Variants in BRIP1 observed in about 807,000 individuals in gnomAD.
BRIP1 encodes the protein BRCA1 interacting DNA helicase 1, also known as Fanconi anemia group J protein.
A neutral mutation model predicts 119.7 loss-of-function variants in BRIP1; 88 were observed. The ratio of observed to expected loss-of-function variants is 0.74; its 90% CI spans 0.62 to 0.88. The LOEUF (loss-of-function observed/expected upper bound fraction) is 0.88, where lower values mean the gene tolerates loss of function less well. Ranked by LOEUF, BRIP1 falls within the 40% of genes least tolerant of loss-of-function variation. The probability of loss-of-function intolerance (pLI) is 0.00; values close to 1 mark genes in which losing one functional copy is unlikely to be tolerated. For missense variants in BRIP1, 1,259 were observed against 1,455.4 expected (o/e 0.87, Z 2.20); for synonymous variants, 443 against 496.5 (o/e 0.89, Z 1.43).
rs1194062701 is a variant in BRIP1, at chr17:61,851,187, C to G, written c.380-1931G>C. On this transcript the variant is annotated intron_variant, in intron 4 of 19. Coordinates refer to ENST00000259008, the MANE Select transcript of BRIP1 (RefSeq NM_032043.3). This position sits in a 1 kb window ranked among gnomAD's most constrained non-coding sequence, Gnocchi z 4.6. ...AGGTTGCAGTGAGCCAAGATCGCAC[C>G]ACTGCACTCCAGCCTAGGTGACAGA... Among the ~76,000 whole-genome samples, 2 of 152,032 alleles carry G rather than the reference C, an allele frequency of 1.3e-5. No homozygotes were observed. The highest frequency in any genetic ancestry group is 6.6e-5 in the Admixed American group (1 of 15,256).
rs2078075771 is a variant in BRIP1, at chr17:61,806,553, T to C, written c.918+1914A>G. ...TGAATTCCTTTTTATTTTTACATGA[T>C]TCAAACTTATGAGTAAAGATCAATA... On this transcript the variant is annotated intron_variant, in intron 7 of 19. Transcript: ENST00000259008. The surrounding 1 kb of genome is among the most constrained non-coding windows in gnomAD (Gnocchi z 4.9). Among the ~76,000 whole-genome samples, 1 of 152,224 alleles carries C rather than the reference T, an allele frequency of 6.6e-6. No homozygotes were observed. The highest frequency in any genetic ancestry group is 1.5e-5 in the Non-Finnish European group (1 of 68,032).
intron 17 of BRIP1, among the ~76,000 whole-genome samples, chr17:61,707,512 C>T (rs1051028821): frequency 6.6e-6 from 1 of 152,042 alleles, no homozygotes; most frequent in African/African-American, 2.4e-5. Context: ...ATGATCTGAG[C>T]CTTCTATGTA....
In BRIP1 at chr17:61,781,009, G is replaced by T. The variant is rs747704211; in HGVS notation, c.1629-4C>A. 5 of 1,613,524 alleles carry T rather than the reference G, an allele frequency of 3.1e-6. No homozygotes were observed. The South Asian group carries it at 4.4e-5, about 14-fold the overall frequency. On this transcript the variant is annotated splice_polypyrimidine_tract_variant and splice_region_variant and intron_variant, in intron 11 of 19. Transcript: ENST00000259008. ...AATTTTATAATCATCTGCAAATCTAGATGCAAAGAAAGTGCTAATTAAGTG... is the reference window on the plus strand; with the variant it reads ...AATTTTATAATCATCTGCAAATCTATATGCAAAGAAAGTGCTAATTAAGTG...
rs2061480836 is a variant in BRIP1 at position 61,693,604 on chromosome 17, AT to A, written c.2493-93del. The A allele has an allele frequency of 9.8e-7, 1 of 1,018,332 alleles. No individual in the cohort carries two copies. Among genetic ancestry groups the A allele is most frequent in the Admixed American group, 1.8e-5 (1 of 54,146 alleles). 63.1% of individuals were successfully genotyped at this position (1,018,332 alleles called of 1,614,324 possible). The stretch of plus-strand genomic sequence containing the variant: ...CAGACAGAAAATTGGAAAAAAATCA[AT>A]TTTATAGATTCCTTTAAACAATTTG... On this transcript the variant is annotated intron_variant, in intron 17 of 19. Coordinates refer to ENST00000259008, the MANE Select transcript of BRIP1 (RefSeq NM_032043.3). The surrounding 1 kb of genome is among the most constrained non-coding windows in gnomAD (Gnocchi z 4.2).
In BRIP1 at chr17:61,682,426, AT is replaced by A; in HGVS notation, c.*869del. On this transcript the variant is annotated 3_prime_UTR_variant, in exon 20 of 20. Coordinates refer to ENST00000259008, the MANE Select transcript of BRIP1 (RefSeq NM_032043.3). This position sits in a 1 kb window ranked among gnomAD's most constrained non-coding sequence, Gnocchi z 4.9. Reference sequence around the variant, plus strand: ...GAAAATTTGGAATACTTCATTTGGCATTTTATATCTTTACGTCAATTTGTTT... The same window carrying A: ...GAAAATTTGGAATACTTCATTTGGCATTTATATCTTTACGTCAATTTGTTT... 4.9e-6 allele frequency: 1 copy of A among 204,950 alleles called. No individual in the cohort carries two copies. The highest frequency in any genetic ancestry group is 1.7e-3 in the Middle Eastern group (1 of 606). 12.7% of individuals were successfully genotyped at this position (204,950 alleles called of 1,614,324 possible).
rs2077013840 is a variant in BRIP1 at position 61,743,440 on chromosome 17, T to A, written c.2258-306A>T. 6.6e-6 allele frequency among the ~76,000 whole-genome samples: 1 copy of A among 152,206 alleles called. No homozygotes were observed. The highest frequency in any genetic ancestry group is 2.4e-5 in the African/African-American group (1 of 41,452). ...TGAACTGTGTGATTATAAACAGGTT[T>A]ATTTAATAAAAATTGAAGTTGCATT... On this transcript the variant is annotated intron_variant, in intron 15 of 19. Transcript: ENST00000259008. The surrounding 1 kb of genome is among the most constrained non-coding windows in gnomAD (Gnocchi z 4.3).
At chr17:61,716,666 T>G (rs1239338270) in intron 16 of BRIP1, among the ~76,000 whole-genome samples, 1 of 145,632 alleles carries the variant, frequency 6.9e-6, no homozygotes, top group Non-Finnish European at 1.5e-5. Context: ...TTACATTTAA[T>G]GTAGTTATTG....
rs772350238 is a variant in BRIP1 at position 61,761,865 on chromosome 17, A to G, written c.2097+14536T>C. Among the ~76,000 whole-genome samples, 6 of 152,162 alleles carry G rather than the reference A, an allele frequency of 3.9e-5. No homozygotes were observed. The highest frequency in any genetic ancestry group is 7.4e-5 in the Non-Finnish European group (5 of 68,018). ...GACATATTGATTCAATGTAATCTCT[A>G]TCAAAATTCCAATGTCATTTTTCAT... is the stretch of plus-strand genomic sequence containing the variant. On this transcript the variant is annotated intron_variant, in intron 14 of 19. Transcript: ENST00000259008. This position sits in a 1 kb window ranked among gnomAD's most constrained non-coding sequence, Gnocchi z 6.4.
At chr17:61,783,345 A>G (rs2077652262) in intron 11 of BRIP1, among the ~76,000 whole-genome samples, 1 of 152,172 alleles carries the variant, frequency 6.6e-6, no homozygotes, top group Non-Finnish European at 1.5e-5. Context: ...AAATACCTAG[A>G]AAGGACTTCA....
rs182078383 is a variant in BRIP1 at position 61,711,075 on chromosome 17, A to T, written c.2492+4876T>A. ...CAAACCCAAAAAAACCCAAACAAAC[A>T]AACAAAAACAAAGCAAATCAAATAA... On this transcript the variant is annotated intron_variant, in intron 17 of 19. Coordinates refer to ENST00000259008, the MANE Select transcript of BRIP1 (RefSeq NM_032043.3). Among the ~76,000 whole-genome samples the T allele has an allele frequency of 7.3e-3, 1,103 of 151,964 alleles. 12 individuals are homozygous for T. Among genetic ancestry groups the T allele is most frequent in the African/African-American group, 0.025 (1,044 of 41,446 alleles).
chr17:61,787,580 G>T (rs1286118172), intron 10 of BRIP1, among the ~76,000 whole-genome samples: 1 of 150,426 alleles, frequency 6.6e-6, no homozygotes. Flanking sequence ...TCTCAATAAA[G>T]GGTGCAATAC....
chr17:61,845,780 C>T lies in BRIP1; in HGVS notation c.627+1321G>A, dbSNP rs9897593. Among the ~76,000 whole-genome samples the T allele has an allele frequency of 0.038, 5,753 of 152,176 alleles. 389 individuals carry two copies. Among genetic ancestry groups the T allele is most frequent in the African/African-American group, 0.13 (5,403 of 41,496 alleles). ...TGTATGCAAAAGTGTTTTATGAGTT[C>T]TATTCATTTCTTCAGACAGAATGTT... is the stretch of plus-strand genomic sequence containing the variant. On this transcript the variant is annotated intron_variant, in intron 6 of 19. Transcript: ENST00000259008. This position sits in a 1 kb window ranked among gnomAD's most constrained non-coding sequence, Gnocchi z 4.2.
At chr17:61,715,547 G>GT (rs2144373855) in intron 17 of BRIP1, among the ~76,000 whole-genome samples, 1 of 152,110 alleles carries the variant, frequency 6.6e-6, no homozygotes, top group South Asian at 2.1e-4. Context: ...CACACTGGCT[G>GT]GTATATCAAT....
rs1422598887 is a variant in BRIP1 at position 61,846,583 on chromosome 17, C to T, written c.627+518G>A. Reference sequence around the variant, plus strand: ...TGTATTTTTTGTAGAATCAGGGTTTCGCCATGTTGCCCAGGCTGGTTTCAA... The same window carrying T: ...TGTATTTTTTGTAGAATCAGGGTTTTGCCATGTTGCCCAGGCTGGTTTCAA... On this transcript the variant is annotated intron_variant, in intron 6 of 19. Coordinates refer to ENST00000259008, the MANE Select transcript of BRIP1 (RefSeq NM_032043.3). The surrounding 1 kb of genome is among the most constrained non-coding windows in gnomAD (Gnocchi z 4.3). Among the ~76,000 whole-genome samples, 2 of 152,062 alleles carry T rather than the reference C, an allele frequency of 1.3e-5. No individual in the cohort carries two copies. Among genetic ancestry groups the T allele is most frequent in the African/African-American group, 2.4e-5 (1 of 41,416 alleles).
In BRIP1 at chr17:61,759,754, AT is replaced by A. The variant is rs567933522; in HGVS notation, c.2098-15164del. 5.3e-5 allele frequency among the ~76,000 whole-genome samples: 8 copies of A among 152,230 alleles called. No individual in the cohort carries two copies. Among genetic ancestry groups the A allele is most frequent in the African/African-American group, 1.9e-4 (8 of 41,566 alleles). On this transcript the variant is annotated intron_variant, in intron 14 of 19. Coordinates refer to ENST00000259008, the MANE Select transcript of BRIP1 (RefSeq NM_032043.3). This position sits in a 1 kb window ranked among gnomAD's most constrained non-coding sequence, Gnocchi z 4.9. ...TACAAGTGGCATTATGTCTAAAAAAATACATACCTTAATTTTAAAATACTTT... is the reference window on the plus strand; with the variant it reads ...TACAAGTGGCATTATGTCTAAAAAAAACATACCTTAATTTTAAAATACTTT...
In BRIP1 at chr17:61,758,622, C is replaced by A. The variant is rs2077231906; in HGVS notation, c.2098-14031G>T. Among the ~76,000 whole-genome samples, 1 of 151,988 alleles carries A rather than the reference C, an allele frequency of 6.6e-6. No homozygotes were observed. The highest frequency in any genetic ancestry group is 2.4e-5 in the African/African-American group (1 of 41,380). Reference sequence around the variant, plus strand: ...CTCAAGGCATACCACTACAGGAAACCATCAAATCACAAAGGAAGACAGCAA... The same window carrying A: ...CTCAAGGCATACCACTACAGGAAACAATCAAATCACAAAGGAAGACAGCAA... On this transcript the variant is annotated intron_variant, in intron 14 of 19. Transcript: ENST00000259008. The surrounding 1 kb of genome is among the most constrained non-coding windows in gnomAD (Gnocchi z 5.3).
chr17:61,692,231 T>C (rs1429194733), intron 18 of BRIP1, among the ~76,000 whole-genome samples: 2 of 152,218 alleles, frequency 1.3e-5, no homozygotes, highest in African/African-American at 4.8e-5. Flanking sequence ...TTATAAATTA[T>C]CCAGTCTTGG....
chr17:61,718,056 A>G (rs2061910125), intron 16 of BRIP1, among the ~76,000 whole-genome samples: 1 of 152,174 alleles, frequency 6.6e-6, no homozygotes, highest in Non-Finnish European at 1.5e-5. Context: ...CAGAGCATAA[A>G]ACATAAGATA....
At position 61,704,976 on chromosome 17, in the gene BRIP1, G is replaced by A. The variant is rs151037820; in HGVS notation, c.2492+10975C>T. ...TTAGATTCCAGGAGTACATGTGCAG[G>A]TTTGTTACAAAGGTATATTGCATGA... On this transcript the variant is annotated intron_variant, in intron 17 of 19. Transcript: ENST00000259008. This position sits in a 1 kb window ranked among gnomAD's most constrained non-coding sequence, Gnocchi z 5.7. Among the ~76,000 whole-genome samples, 1,394 of 151,904 alleles carry A rather than the reference G, an allele frequency of 9.2e-3. 18 individuals are homozygous for A. Among genetic ancestry groups the A allele is most frequent in the African/African-American group, 0.032 (1,341 of 41,410 alleles).
Sources: gnomAD v4.1 joint callset for allele counts (sites outside exome capture counted in the v4.1 genomes callset) on GRCh38, gnomAD v4.1.1 for gene constraint, Gnocchi (gnomAD v3.1) non-coding constraint, MANE v1.5 for transcripts, NCBI Gene and HGNC (gene_info 2026-07-23, HGNC 2026-07-21) for gene names.